Variants in TLE4 observed in about 807,000 individuals in gnomAD.
TLE4 encodes TLE family member 4, transcriptional corepressor, also known as transducin-like enhancer protein 4.
Under a neutral mutation model 92.8 loss-of-function variants are expected in TLE4, and 8 were observed. The ratio of observed to expected loss-of-function variants is 0.09; its 90% CI spans 0.05 to 0.16. The LOEUF (loss-of-function observed/expected upper bound fraction) is 0.16, where lower values mean the gene tolerates loss of function less well. TLE4 is among the 10% of genes least tolerant of loss of function. TLE4 has a pLI of 1.00. For missense variants in TLE4, 675 were observed against 997.6 expected, an observed-to-expected ratio of 0.68 and a Z score of 4.36; for synonymous variants, 371 against 374.1, an observed-to-expected ratio of 0.99 and a Z score of 0.10.
chr9:79,583,839 T>A (rs1200138385), intron 4 of TLE4, among the ~76,000 whole-genome samples: 1 of 152,220 alleles, frequency 6.6e-6, no homozygotes, highest in Non-Finnish European at 1.5e-5. Context: ...TTATATGTTC[T>A]CTTTAATGTT....
chr9:79,647,730 G>A (rs1437702194), intron 6 of TLE4, among the ~76,000 whole-genome samples: 7 of 151,984 alleles, frequency 4.6e-5, no homozygotes, highest in Non-Finnish European at 1.0e-4. Flanking sequence ...TAATTAAGAG[G>A]TATGGCATAC....
intron 8 of TLE4, among the ~76,000 whole-genome samples, chr9:79,687,496 C>T (rs188558786): frequency 2.0e-5 from 3 of 152,148 alleles, no homozygotes; most frequent in Admixed American, 2.0e-4. Flanking sequence ...CTTTTTTCCT[C>T]GTCTTTCATT....
intron 8 of TLE4, among the ~76,000 whole-genome samples, chr9:79,664,888 C>CT (rs904981228): frequency 7.3e-5 from 11 of 151,524 alleles, no homozygotes; most frequent in South Asian, 2.1e-4. Context: ...TTGTGCCTCC[C>CT]TTTTTTTTTC....
At chr9:79,572,856 G>T (rs2036183751) in intron 1 of TLE4, 21 bp downstream of exon 1, 5 of 1,592,186 alleles carry the variant, frequency 3.1e-6, no homozygotes, top group Non-Finnish European at 4.3e-6. Flanking sequence ...GCGGCGGGGC[G>T]CGGGCTCGCC....
intron 8 of TLE4, among the ~76,000 whole-genome samples, chr9:79,654,853 A>G (rs1409060923): frequency 1.3e-5 from 2 of 152,150 alleles, no homozygotes; most frequent in Admixed American, 1.3e-4. Context: ...ATATAAATAC[A>G]CCATTGTAGG....
In TLE4 at chr9:79,699,493, C is replaced by T. The variant is rs181833257; in HGVS notation, c.610-5290C>T. On this transcript the variant is annotated intron_variant, in intron 8 of 19. Coordinates refer to ENST00000376552, the MANE Select transcript of TLE4 (RefSeq NM_007005.6). The stretch of plus-strand genomic sequence containing the variant: ...GACAACAGGTGTAGAAAGGGCAAAC[C>T]AGGACTTGCAATTACCCTTGACATA... Among the ~76,000 whole-genome samples the T allele has an allele frequency of 2.1e-3, 321 of 152,218 alleles. 1 individual carries two copies. Among genetic ancestry groups the T allele is most frequent in the Non-Finnish European group, 2.9e-3 (195 of 68,026 alleles).
In TLE4 at chr9:79,700,974, A is replaced by G. The variant is rs143575028; in HGVS notation, c.610-3809A>G. ...AGTTTCTTATGTAGTAAACTTGAGA[A>G]ATATCTAAATTGAGCTTTTAAAATA... On this transcript the variant is annotated intron_variant, in intron 8 of 19. Transcript: ENST00000376552. 3.2e-3 allele frequency among the ~76,000 whole-genome samples: 495 copies of G among 152,350 alleles called. 4 individuals are homozygous for G. Among genetic ancestry groups the G allele is most frequent in the Admixed American group, 5.4e-3 (82 of 15,306 alleles).
Position 79,678,102 on chromosome 9 carries a change from A to T in TLE4, c.609+24027A>T, listed in dbSNP as rs143151312. Among the ~76,000 whole-genome samples the T allele has an allele frequency of 9.7e-3, 1,471 of 152,268 alleles. 28 individuals carry two copies. Among genetic ancestry groups the T allele is most frequent in the African/African-American group, 0.033 (1,376 of 41,556 alleles). On this transcript the variant is annotated intron_variant, in intron 8 of 19. Coordinates refer to ENST00000376552, the MANE Select transcript of TLE4 (RefSeq NM_007005.6). Reference sequence around the variant, plus strand: ...GTCTCAGTTAAAGAAATTAGTAGATATGTGAACTATAAATATATTAAATGA... The same window carrying T: ...GTCTCAGTTAAAGAAATTAGTAGATTTGTGAACTATAAATATATTAAATGA...
rs1033669063 is a variant in TLE4 at position 79,722,391 on chromosome 9, C to T, written c.1987-60C>T. On this transcript the variant is annotated intron_variant, in intron 17 of 19. Transcript: ENST00000376552. Reference sequence around the variant, plus strand: ...AGTATCTACAGAAGAGATAGTACCTCCCAGATAAAAGAAGCGTGTCCACTG... The same window carrying T: ...AGTATCTACAGAAGAGATAGTACCTTCCAGATAAAAGAAGCGTGTCCACTG... 4.4e-6 allele frequency: 7 copies of T among 1,579,410 alleles called. No homozygotes were observed. In the African/African-American group the frequency reaches 9.5e-5, roughly 21 times the overall value.
intron 6 of TLE4, among the ~76,000 whole-genome samples, chr9:79,630,033 G>A (rs955807236): frequency 1.2e-4 from 19 of 152,154 alleles, no homozygotes; most frequent in Non-Finnish European, 2.9e-5. Context: ...TTTCTGCACT[G>A]AAGGAATGAC....
At chr9:79,689,087 C>T (rs1458940971) in intron 8 of TLE4, among the ~76,000 whole-genome samples, 1 of 152,012 alleles carries the variant, frequency 6.6e-6, no homozygotes, top group Non-Finnish European at 1.5e-5. Flanking sequence ...CTATATGTTT[C>T]CATATGTTGC....
intron 14 of TLE4, among the ~76,000 whole-genome samples, chr9:79,714,245 C>G (rs2074007883): frequency 6.6e-6 from 1 of 152,204 alleles, no homozygotes; most frequent in African/African-American, 2.4e-5. Context: ...TAATGGCACA[C>G]TCCCTTTATC....
intron 8 of TLE4, among the ~76,000 whole-genome samples, chr9:79,677,633 A>G (rs897497863): frequency 3.4e-5 from 5 of 147,028 alleles, no homozygotes; most frequent in Non-Finnish European, 6.0e-5. Flanking sequence ...TTGTAAAACA[A>G]TTCTGCGTTT....
chr9:79,719,350 C>T (rs2136214786), intron 15 of TLE4, among the ~76,000 whole-genome samples: 1 of 151,862 alleles, frequency 6.6e-6, no homozygotes, highest in East Asian at 1.9e-4. Context: ...CTAGATAGCC[C>T]CTCAGCTGCT....
intron 11 of TLE4, chr9:79,707,107 C>G (rs1271921679): frequency 6.2e-7 from 1 of 1,611,334 alleles, no homozygotes; most frequent in Non-Finnish European, 8.5e-7. Flanking sequence ...TTTTATGATT[C>G]TTTTTGCAAG....
At chr9:79,693,117 G>T (rs944937225) in intron 8 of TLE4, among the ~76,000 whole-genome samples, 1 of 152,096 alleles carries the variant, frequency 6.6e-6, no homozygotes, top group Non-Finnish European at 1.5e-5. Context: ...TCACTGTTGT[G>T]TTTCCAGTGT....
At chr9:79,625,014 CTTTTTTTTTTTTTT>C (rs34968887) in intron 5 of TLE4, among the ~76,000 whole-genome samples, 1 of 79,948 alleles carries the variant, frequency 1.3e-5, no homozygotes, top group African/African-American at 5.3e-5. Context: ...TATTTCTTTT[CTTTTTTTTTTTTTT>C]TTTTTTTTTG....
At chr9:79,587,644 T>C (rs1467473566) in intron 4 of TLE4, among the ~76,000 whole-genome samples, 1 of 152,236 alleles carries the variant, frequency 6.6e-6, no homozygotes, top group East Asian at 1.9e-4. Flanking sequence ...AATGTTAGGC[T>C]ATTGTGTGGA....
intron 11 of TLE4, among the ~76,000 whole-genome samples, chr9:79,707,853 C>T (rs764497504): frequency 7.9e-5 from 12 of 152,326 alleles, no homozygotes; most frequent in Admixed American, 3.9e-4. Context: ...GTTTGTGAGC[C>T]TCATCTGACT....
Sources: gnomAD v4.1 joint callset for allele counts (sites outside exome capture counted in the v4.1 genomes callset) on GRCh38, gnomAD v4.1.1 for gene constraint, MANE v1.5 for transcripts, NCBI Gene and HGNC (gene_info 2026-07-23, HGNC 2026-07-21) for gene names.